The following IPO5 variants were observed in gnomAD, a reference collection of about 807,000 sequenced individuals.
The protein encoded by IPO5 is importin-5.
In IPO5, 18 loss-of-function variants were observed where a neutral mutation model predicts 143.3. The ratio of observed to expected loss-of-function variants is 0.13; its 90% confidence interval spans 0.09 to 0.19. The LOEUF (loss-of-function observed/expected upper bound fraction) is 0.19, where lower values mean the gene tolerates loss of function less well. Ranked by LOEUF, IPO5 falls within the 10% of genes least tolerant of loss-of-function variation. IPO5 has a pLI of 1.00. For synonymous variants in IPO5, 477 were observed against 465.7 expected, an observed-to-expected ratio of 1.02 and a Z score of -0.31; for missense variants, 1,013 against 1,336.9, an observed-to-expected ratio of 0.76 and a Z score of 3.78.
chr13:98,004,430 T>A (rs1292117824), intron 16 of IPO5, among the ~76,000 whole-genome samples: 1 of 152,194 alleles, frequency 6.6e-6, no homozygotes, highest in Admixed American at 6.5e-5. Flanking sequence ...GGACCCAAGT[T>A]GAAGGCAGAT....
In IPO5 at chr13:98,010,160, A is replaced by G; in HGVS notation, c.1991A>G (p.Asp664Gly). The change falls in exon 20 of 29, where the codon GAT (aspartate) becomes GGT (glycine). Residue 664 changes from aspartate (D) to glycine (G), a missense_variant. Transcript: ENST00000651721. ...DDGWEFVNLG[D>G]QQSFGIKTAG... Reference sequence around the variant, plus strand: ...GGTTGGGAATTTGTGAACCTTGGAGATCAGCAAAGCTTTGGTATTAAAACT... The same window carrying G: ...GGTTGGGAATTTGTGAACCTTGGAGGTCAGCAAAGCTTTGGTATTAAAACT... The G allele has an allele frequency of 1.2e-6, 2 of 1,614,152 alleles. No individual in the cohort carries two copies. Among genetic ancestry groups the G allele is most frequent in the South Asian group, 2.2e-5 (2 of 91,074 alleles).
intron 20 of IPO5, among the ~76,000 whole-genome samples, 178 bp from the exon 21 acceptor site, chr13:98,012,068 A>C (rs1195944694): frequency 1.3e-5 from 2 of 151,282 alleles, no homozygotes; most frequent in Non-Finnish European, 2.9e-5. Flanking sequence ...TCATTTCATG[A>C]CCCTTCTTTT....
At chr13:97,975,616 A>C (rs549915937) in intron 3 of IPO5, 2 of 152,356 alleles carry the variant, frequency 1.3e-5, no homozygotes, top group South Asian at 4.1e-4. Flanking sequence ...TCTGCGCATT[A>C]GAATGCTGAA....
chr13:97,956,958 T>G (rs1884503934), intron 2 of IPO5, among the ~76,000 whole-genome samples: 1 of 152,234 alleles, frequency 6.6e-6, no homozygotes, highest in Admixed American at 6.5e-5. Flanking sequence ...TGAAGCCATG[T>G]AAAACAAGCA....
chr13:97,976,612 GGCCCGCCCCC>G, intron 3 of IPO5, 71 bp from the exon 4 acceptor site: 1 of 427,690 alleles, frequency 2.3e-6, no homozygotes, highest in Non-Finnish European at 3.5e-6. Context: ...CCCCGCGCTG[GGCCCGCCCCC>G]GCCCCTCCCG....
intron 5 of IPO5, 60 bp downstream of exon 5, chr13:97,982,643 C>A: frequency 9.4e-7 from 1 of 1,065,476 alleles, no homozygotes; most frequent in Non-Finnish European, 1.4e-6. Context: ...AGATGATGAT[C>A]ATAGTAGAAA....
rs1047129468 is a variant in IPO5, at chr13:98,018,141, CTT to C, written c.2617-342_2617-341del. ...TTGAATAAATGCTATAAGTTAAGAT[CTT>C]TGCAGCTTTTATTATTATTGTATTT... On this transcript the variant is annotated intron_variant, in intron 25 of 28. Transcript: ENST00000651721. 1.5e-3 allele frequency among the ~76,000 whole-genome samples: 232 copies of C among 152,162 alleles called. 1 individual carries two copies. Among genetic ancestry groups the C allele is most frequent in the African/African-American group, 5.4e-3 (226 of 41,506 alleles).
intron 8 of IPO5, 42 bp downstream of exon 8, chr13:97,990,264 TC>T (rs1594077235): frequency 1.4e-6 from 2 of 1,415,350 alleles, no homozygotes; most frequent in Non-Finnish European, 2.0e-6. Flanking sequence ...TCTATTTTAA[TC>T]TAATTTGCGA....
At chr13:98,005,973 G>A (rs551301995) in intron 16 of IPO5, among the ~76,000 whole-genome samples, 157 bp from the exon 17 acceptor site, 1 of 152,140 alleles carries the variant, frequency 6.6e-6, no homozygotes. Context: ...TCTTTTTATA[G>A]AAATTTCCTC....
intron 16 of IPO5, among the ~76,000 whole-genome samples, chr13:98,004,065 G>T (rs991169873): frequency 6.6e-6 from 1 of 152,136 alleles, no homozygotes; most frequent in African/African-American, 2.4e-5. Context: ...AAGGATTTTA[G>T]CCCAGTTTAT....
chr13:98,019,876 C>T (rs1755447721), intron 27 of IPO5, 67 bp downstream of exon 27: 1 of 1,058,150 alleles, frequency 9.5e-7, no homozygotes, highest in African/African-American at 1.6e-5. Flanking sequence ...TCTTGCCTAA[C>T]ATCAGTCTTT....
chr13:98,007,417 C>G (rs777280857), intron 17 of IPO5: 3 of 152,226 alleles, frequency 2.0e-5, no homozygotes, highest in Non-Finnish European at 4.4e-5. Flanking sequence ...CAGCCAACAT[C>G]TCAGAATTGT....
Position 98,014,248 on chromosome 13 carries a change from G to C in IPO5, c.2325+34G>C, listed in dbSNP as rs1479264371. 6 of 1,462,350 alleles carry C rather than the reference G, an allele frequency of 4.1e-6. 1 individual carries two copies. In the Admixed American group the frequency reaches 1.1e-4, roughly 28 times the overall value. 90.6% of individuals were successfully genotyped at this position (1,462,350 alleles called of 1,614,324 possible). ...TTTTCTCTTAAAAAATATGTATAAG[G>C]TTGTATGTTCATTTATTAGTCTTGC... On this transcript the variant is annotated intron_variant, in intron 22 of 28. Coordinates refer to ENST00000651721, the MANE Select transcript of IPO5 (RefSeq NM_002271.6).
chr13:97,971,361 T>C (rs967992554), intron 3 of IPO5, among the ~76,000 whole-genome samples: 1 of 152,228 alleles, frequency 6.6e-6, no homozygotes, highest in Non-Finnish European at 1.5e-5. Context: ...GAGCAGGAAC[T>C]TGAAAGTTTT....
intron 11 of IPO5, among the ~76,000 whole-genome samples, chr13:97,994,118 C>G (rs1888036434): frequency 6.6e-6 from 1 of 152,142 alleles, no homozygotes; most frequent in Non-Finnish European, 1.5e-5. Context: ...ACCAGCCTGG[C>G]TAACATGCTA....
In IPO5 at chr13:98,016,732, G is replaced by A. The variant is rs148215705; in HGVS notation, c.2497G>A (p.Asp833Asn). Residue 833 changes from aspartate (D) to asparagine (N), a missense_variant, in exon 25 of 29, where the codon GAT (aspartate) becomes AAT (asparagine). Transcript: ENST00000651721. ...TTTATGTGTATGTTTTTTTTAGGATGATAATGATGTTTATATTCTGACCAA... is the reference window on the plus strand; with the variant it reads ...TTTATGTGTATGTTTTTTTTAGGATAATAATGATGTTTATATTCTGACCAA... ...QVEESLQDED[D>N]NDVYILTKVS... 1 of 1,406,222 alleles carries A rather than the reference G, an allele frequency of 7.1e-7. No individual in the cohort carries two copies. Among genetic ancestry groups the A allele is most frequent in the Non-Finnish European group, 9.6e-7 (1 of 1,036,638 alleles). The allele number at this position is 1,406,222 out of a possible 1,614,324, so 87.1% of individuals were successfully genotyped here. A position where few individuals can be genotyped will look rare whatever the true frequency, so the allele number is the denominator to read the frequency against.
chr13:97,981,402 C>CAATGAAT, intron 4 of IPO5: 1 of 354,528 alleles, frequency 2.8e-6, no homozygotes, highest in Admixed American at 4.1e-5. Flanking sequence ...TGATCTTAGG[C>CAATGAAT]AAGTCATTAA....
At chr13:97,974,740 T>C (rs79841723) in intron 3 of IPO5, among the ~76,000 whole-genome samples, 3,539 of 147,426 alleles carry the variant, frequency 0.024, 60 homozygotes, top group Admixed American at 0.036. Context: ...GTAATGTGCA[T>C]AGTGGTTTGT....
chr13:98,000,265 A>T (rs1033351946), intron 12 of IPO5, among the ~76,000 whole-genome samples: 11 of 152,072 alleles, frequency 7.2e-5, no homozygotes, highest in Admixed American at 1.3e-4. Flanking sequence ...AGCCTGGGTG[A>T]CAGAGCGAGA....
Sources: gnomAD v4.1 joint callset for allele counts (sites outside exome capture counted in the v4.1 genomes callset) on GRCh38, gnomAD v4.1.1 for gene constraint, MANE v1.5 for transcripts, NCBI Gene and HGNC (gene_info 2026-07-23, HGNC 2026-07-21) for gene names.